AIMP1: variants seen among roughly 807,000 people sequenced by gnomAD.
AIMP1 encodes aminoacyl tRNA synthetase complex interacting multifunctional protein 1.
A neutral mutation model predicts 33.1 loss-of-function variants in AIMP1; 24 were observed. That is an observed-to-expected ratio of 0.73 (90% CI 0.53 to 1.02). AIMP1 has a LOEUF of 1.02. AIMP1 is among the 50% of genes least tolerant of loss of function. The pLI, the probability that AIMP1 is intolerant of heterozygous loss-of-function variation, is 0.00. For synonymous variants in AIMP1, 120 were observed against 121.5 expected, an observed-to-expected ratio of 0.99 and a Z score of 0.08; for missense variants, 367 against 364.8, an observed-to-expected ratio of 1.01 and a Z score of -0.05.
intron 1 of AIMP1, among the ~76,000 whole-genome samples, 161 bp from the exon 2 acceptor site, chr4:106,324,824 A>G (rs959281220): frequency 6.6e-6 from 1 of 152,074 alleles, no homozygotes; most frequent in South Asian, 2.1e-4. Context: ...CATTTCTGCT[A>G]TTTGTTTGGC....
At chr4:106,334,909 G>T (rs894424022) in intron 5 of AIMP1, among the ~76,000 whole-genome samples, 1 of 152,174 alleles carries the variant, frequency 6.6e-6, no homozygotes, top group Admixed American at 6.5e-5. Flanking sequence ...TATGAATAGA[G>T]CAGGGTTAAT....
At chr4:106,330,791 A>C (rs1769647149) in intron 4 of AIMP1, among the ~76,000 whole-genome samples, 1 of 152,234 alleles carries the variant, frequency 6.6e-6, no homozygotes, top group Admixed American at 6.5e-5. Flanking sequence ...ACAATAGCTT[A>C]TCTCTGTTCT....
At chr4:106,345,823 A>G (rs956104897) in intron 6 of AIMP1, among the ~76,000 whole-genome samples, 2 of 149,468 alleles carry the variant, frequency 1.3e-5, no homozygotes, top group African/African-American at 4.9e-5. Flanking sequence ...TATTTTATAT[A>G]ATAAGATGTC....
chr4:106,316,356 C>CGG (rs538568279), upstream of AIMP1: 215 of 580,236 alleles, frequency 3.7e-4, no homozygotes, highest in African/African-American at 1.0e-3. Context: ...TGCGGGGGGA[C>CGG]GGGGGGGGTC....
chr4:106,322,616 C>A (rs1769305380), intron 1 of AIMP1, among the ~76,000 whole-genome samples: 1 of 152,168 alleles, frequency 6.6e-6, no homozygotes, highest in Admixed American at 6.5e-5. Context: ...TTTTAGATTT[C>A]ACAAGATGAG....
At chr4:106,323,801 CAT>C (rs562463145) in intron 1 of AIMP1, among the ~76,000 whole-genome samples, 24 of 151,974 alleles carry the variant, frequency 1.6e-4, no homozygotes, top group Admixed American at 2.0e-4. Flanking sequence ...CTAGCAAAGA[CAT>C]ATTTGATGAA....
At chr4:106,326,027 C>G (rs1436001456) in intron 2 of AIMP1, among the ~76,000 whole-genome samples, 1 of 151,984 alleles carries the variant, frequency 6.6e-6, no homozygotes, top group Non-Finnish European at 1.5e-5. Flanking sequence ...GGTACAATGC[C>G]AACTAGTATA....
At chr4:106,324,100 C>T (rs905192483) in intron 1 of AIMP1, among the ~76,000 whole-genome samples, 7 of 151,998 alleles carry the variant, frequency 4.6e-5, no homozygotes, top group African/African-American at 7.2e-5. Flanking sequence ...CAATCTGTTA[C>T]GTGTCTATTA....
At chr4:106,316,477 C>T (rs933808721), upstream of AIMP1, 1 of 1,470,364 alleles carries the variant, frequency 6.8e-7, no homozygotes, top group Non-Finnish European at 9.3e-7. Flanking sequence ...CTGTAGAACA[C>T]TCAGGCTTTC....
chr4:106,332,484 AATAG>A (rs1769718334), intron 5 of AIMP1, among the ~76,000 whole-genome samples: 5 of 151,672 alleles, frequency 3.3e-5, no homozygotes, highest in Admixed American at 3.3e-4. Context: ...AGAAGTACTT[AATAG>A]ATAAATTTTT....
intron 3 of AIMP1, 103 bp from the exon 4 acceptor site, chr4:106,327,973 A>T (rs1286325179): frequency 6.6e-7 from 1 of 1,514,740 alleles, no homozygotes; most frequent in Admixed American, 1.9e-5. Context: ...TATACAGTGA[A>T]TTTTTCATTT....
Position 106,327,614 on chromosome 4 carries a change from A to T in AIMP1, c.223+50A>T, listed in dbSNP as rs764087243. 3.7e-5 allele frequency: 50 copies of T among 1,347,166 alleles called. No individual in the cohort carries two copies. The Middle Eastern group carries it at 5.5e-4, about 15-fold the overall frequency. 83.5% of individuals were successfully genotyped at this position (1,347,166 alleles called of 1,614,324 possible). On this transcript the variant is annotated intron_variant, in intron 3 of 6. Transcript: ENST00000672341. The stretch of plus-strand genomic sequence containing the variant: ...TAATCCAGAAGTTAAGAAGTTGGCC[A>T]GTCACACCAACAGTGAGGAAAGAAG...
intron 4 of AIMP1, 62 bp downstream of exon 4, chr4:106,328,305 G>C (rs572116220): frequency 6.6e-7 from 1 of 1,508,618 alleles, no homozygotes; most frequent in South Asian, 1.2e-5. Flanking sequence ...GTCAAGTTTT[G>C]ATAATGATAA....
In AIMP1 at chr4:106,347,689, A is replaced by G. The variant is rs1460214022; in HGVS notation, c.936A>G (p.Lys312=). 3.1e-6 allele frequency: 5 copies of G among 1,612,622 alleles called. No individual in the cohort carries two copies. The Admixed American group carries it at 5.0e-5, about 16-fold the overall frequency. ...AAACCATGAGCAACAGTGGAATCAAATAAAATGCTTCCACTACCAAAAGAC... is the reference window on the plus strand; with the variant it reads ...AAACCATGAGCAACAGTGGAATCAAGTAAAATGCTTCCACTACCAAAAGAC... ...RAQTMSNSGI[K] Residue 312 remains lysine (K), a synonymous_variant, in exon 7 of 7, where the codon AAA becomes AAG. Coordinates refer to ENST00000672341, the MANE Select transcript of AIMP1 (RefSeq NM_001142416.2).
At chr4:106,341,176 G>A (rs374033331) in intron 6 of AIMP1, among the ~76,000 whole-genome samples, 2 of 152,042 alleles carry the variant, frequency 1.3e-5, no homozygotes, top group Non-Finnish European at 2.9e-5. Flanking sequence ...CATAGTTTGC[G>A]AATATTTTTT....
chr4:106,322,166 T>A (rs1287459762), intron 1 of AIMP1, among the ~76,000 whole-genome samples: 1 of 152,174 alleles, frequency 6.6e-6, no homozygotes, highest in Non-Finnish European at 1.5e-5. Flanking sequence ...CAGGGCCCTC[T>A]GCCTAGGAAA....
chr4:106,342,965 C>T (rs971336492), intron 6 of AIMP1, among the ~76,000 whole-genome samples: 1 of 144,284 alleles, frequency 6.9e-6, no homozygotes, highest in African/African-American at 2.6e-5. Flanking sequence ...AGTGCAGTGG[C>T]GTTATCTTGG....
chr4:106,319,484 T>C (rs1769113641), intron 1 of AIMP1, among the ~76,000 whole-genome samples: 1 of 152,160 alleles, frequency 6.6e-6, no homozygotes, highest in Non-Finnish European at 1.5e-5. Flanking sequence ...ATAATTAACA[T>C]TGAGAAGGAC....
rs1770408379 is a variant in AIMP1, at chr4:106,349,222, CA to C, written c.*1533del. ...TTTTGGGAATAAATACTTCTGGTGA[CA>C]AAGTCTTTTGTGAGTTTTTTGCTCT... is the stretch of plus-strand genomic sequence containing the variant. On this transcript the variant is annotated 3_prime_UTR_variant, in exon 7 of 7. Transcript: ENST00000672341. The C allele has an allele frequency of 1.3e-5, 2 of 151,876 alleles. No homozygotes were observed. The highest frequency in any genetic ancestry group is 1.3e-4 in the Admixed American group (2 of 15,230). 9.4% of individuals were successfully genotyped at this position (151,876 alleles called of 1,614,324 possible).
Sources: gnomAD v4.1 joint callset for allele counts (sites outside exome capture counted in the v4.1 genomes callset) on GRCh38, gnomAD v4.1.1 for gene constraint, MANE v1.5 for transcripts, NCBI Gene and HGNC (gene_info 2026-07-23, HGNC 2026-07-21) for gene names.